Variants in EPG5 observed in about 807,000 individuals in gnomAD.
EPG5 encodes ectopic P granules protein 5 homolog.
Under a neutral mutation model 302.7 loss-of-function variants are expected in EPG5, and 159 were observed. The ratio of observed to expected loss-of-function variants is 0.53; its 90% confidence interval spans 0.46 to 0.60. EPG5 has a LOEUF of 0.60. Ranked by LOEUF, EPG5 falls within the 20% of genes least tolerant of loss-of-function variation. The probability of loss-of-function intolerance (pLI) is 0.00; values close to 1 mark genes in which losing one functional copy is unlikely to be tolerated. For synonymous variants in EPG5, 1,158 were observed against 1,136.8 expected (o/e 1.02, Z -0.37); for missense variants, 2,896 against 3,092.4 (o/e 0.94, Z 1.51).
At chr18:45,910,899 T>C (rs2049877118) in intron 22 of EPG5, among the ~76,000 whole-genome samples, 157 bp from the exon 23 acceptor site, 1 of 152,136 alleles carries the variant, frequency 6.6e-6, no homozygotes, top group Non-Finnish European at 1.5e-5. Flanking sequence ...ATTATTTTGA[T>C]GGTCCAACAA....
chr18:45,839,129 G>C, the EPG5 span: 1 of 1,358,854 alleles, frequency 7.4e-7, no homozygotes, highest in Non-Finnish European at 9.4e-7. Context: ...GGCCGCGAGG[G>C]GCCGGGCCGG....
intron 21 of EPG5, 116 bp from the exon 22 acceptor site, chr18:45,912,572 A>AT: frequency 9.2e-7 from 1 of 1,085,390 alleles, no homozygotes; most frequent in African/African-American, 1.6e-5. Flanking sequence ...TCAATAATAT[A>AT]TTTTTTAAAA....
At chr18:45,902,417 A>G (rs2049640358) in intron 25 of EPG5, among the ~76,000 whole-genome samples, 1 of 152,234 alleles carries the variant, frequency 6.6e-6, no homozygotes, top group African/African-American at 2.4e-5. Context: ...CCATGATGCT[A>G]AAGGAAAACT....
chr18:45,948,050 C>T (rs2050824963), intron 6 of EPG5, among the ~76,000 whole-genome samples: 1 of 152,154 alleles, frequency 6.6e-6, no homozygotes, highest in Non-Finnish European at 1.5e-5. Context: ...ACTGGGATTA[C>T]AGGTGTGAGC....
In EPG5 at chr18:45,850,299, A is replaced by C. The variant is rs1247215281; in HGVS notation, c.*2168T>G. ...CTCTCTGGAGGCCAACAATTTTTTCAAGCCAAGGCTCATTACCCCTGCAAG... is the reference window on the plus strand; with the variant it reads ...CTCTCTGGAGGCCAACAATTTTTTCCAGCCAAGGCTCATTACCCCTGCAAG... On this transcript the variant is annotated 3_prime_UTR_variant, in exon 44 of 44. Transcript: ENST00000282041. 6.6e-6 allele frequency: 1 copy of C among 152,132 alleles called. No homozygotes were observed. Among genetic ancestry groups the C allele is most frequent in the Non-Finnish European group, 1.5e-5 (1 of 68,062 alleles). The allele number at this position is 152,132 out of a possible 1,614,324, so 9.4% of individuals were successfully genotyped here. A position where few individuals can be genotyped will look rare whatever the true frequency, so the allele number is the denominator to read the frequency against.
In EPG5 at chr18:45,867,762, A is replaced by G; in HGVS notation, c.6226-14T>C. 2 of 1,581,416 alleles carry G rather than the reference A, an allele frequency of 1.3e-6. No individual in the cohort carries two copies. On this transcript the variant is annotated splice_polypyrimidine_tract_variant and intron_variant, in intron 36 of 43. Transcript: ENST00000282041. ...TCCTCGTTCCACCTAAAAGAAAATG[A>G]ATTAAAATCATTCTGTTGCCTTGTG...
rs2049691438 is a variant in EPG5, at chr18:45,904,113, A to G, written c.4334T>C (p.Leu1445Pro). The G allele has an allele frequency of 4.3e-6, 7 of 1,610,392 alleles. No individual in the cohort carries two copies. In the East Asian group the frequency reaches 1.6e-4, roughly 36 times the overall value. The change falls in exon 25 of 44, where the codon CTG (leucine) becomes CCG (proline). Residue 1445 changes from leucine to proline, a missense_variant. Leu to Pro is a moderately conservative substitution (Grantham distance 98). Coordinates refer to ENST00000282041, the MANE Select transcript of EPG5 (RefSeq NM_020964.3). ...LAKVMQNQQDLWMEYLNMERI... is the reference protein window; with the variant it reads ...LAKVMQNQQDPWMEYLNMERI... ...CTCCATGTTCAAATACTCCATCCAC[A>G]GATCCTGAAACAGAACGACAGTACT...
At chr18:45,825,698 G>A in the EPG5 span, 1 of 1,612,646 alleles carries the variant, frequency 6.2e-7, no homozygotes, top group East Asian at 2.2e-5. Flanking sequence ...CCGAGAGCGG[G>A]TCTGGCCTGG....
At chr18:45,935,599 GGCGCACACAGGTACT>G (rs1182329275) in intron 10 of EPG5, among the ~76,000 whole-genome samples, 6 of 97,190 alleles carry the variant, frequency 6.2e-5, no homozygotes, top group Non-Finnish European at 1.0e-4. Context: ...AGGCTACTAA[GGCGCACACAGGTACT>G]AAGGCACACA....
chr18:45,892,181 G>C (rs4890604), intron 27 of EPG5, among the ~76,000 whole-genome samples: 93,536 of 151,526 alleles, frequency 0.62, 29,049 homozygotes, highest in Non-Finnish European at 0.64. Flanking sequence ...ATAAAACCAG[G>C]TGGTTTAGGC....
intron 23 of EPG5, 66 bp downstream of exon 23, chr18:45,910,455 T>A: frequency 8.2e-7 from 1 of 1,221,840 alleles, no homozygotes; most frequent in Non-Finnish European, 1.2e-6. Context: ...TGTAACACAG[T>A]TAACTGCTCC....
chr18:45,872,558 G>T (rs2048893464), intron 35 of EPG5, among the ~76,000 whole-genome samples: 1 of 152,152 alleles, frequency 6.6e-6, no homozygotes, highest in South Asian at 2.1e-4. Context: ...ACAAAAATTA[G>T]CCAGGTGTGG....
rs916850441 is a variant in EPG5, at chr18:45,860,491, G to T, written c.6767-145C>A. On this transcript the variant is annotated intron_variant, in intron 39 of 43. Transcript: ENST00000282041. ...CTGACTGCAAGGGACTGGAAGGAAG[G>T]CTCTGGATGGTGTTAAGTTTGTACA... 4.0e-6 allele frequency: 4 copies of T among 1,009,710 alleles called. No homozygotes were observed. In the African/African-American group the frequency reaches 4.8e-5, roughly 12 times the overall value. 62.5% of individuals were successfully genotyped at this position (1,009,710 alleles called of 1,614,324 possible). A position where few individuals can be genotyped will look rare whatever the true frequency, so the allele number is the denominator to read the frequency against.
intron 40 of EPG5, 130 bp downstream of exon 40, chr18:45,859,974 T>A: frequency 8.3e-7 from 1 of 1,200,608 alleles, no homozygotes; most frequent in Non-Finnish European, 1.2e-6. Flanking sequence ...ATCCACAACA[T>A]TTGTAGAGCA....
In EPG5 at chr18:45,917,664, A is replaced by G; in HGVS notation, c.3239+15T>C. The G allele has an allele frequency of 6.2e-7, 1 of 1,613,892 alleles. No individual in the cohort carries two copies. Among genetic ancestry groups the G allele is most frequent in the South Asian group, 1.1e-5 (1 of 91,058 alleles). On this transcript the variant is annotated intron_variant, in intron 17 of 43. Coordinates refer to ENST00000282041, the MANE Select transcript of EPG5 (RefSeq NM_020964.3). The stretch of plus-strand genomic sequence containing the variant: ...TGTTTAAGAGTGTCTCCTGCCATAG[A>G]TGGAACACACTTACTGCTCATTCTT...
chr18:45,878,719 C>A (rs546497921), intron 33 of EPG5, among the ~76,000 whole-genome samples: 2 of 152,136 alleles, frequency 1.3e-5, no homozygotes, highest in Non-Finnish European at 2.9e-5. Context: ...GATTTAGAAC[C>A]CCATCTTAGT....
chr18:45,896,192 A>C (rs1293109955), intron 27 of EPG5, among the ~76,000 whole-genome samples: 1 of 152,228 alleles, frequency 6.6e-6, no homozygotes, highest in Non-Finnish European at 1.5e-5. Flanking sequence ...CGCCTATAAA[A>C]GTTGTTCACT....
Position 45,951,527 on chromosome 18 carries a change from T to C in EPG5, c.1253-289A>G, listed in dbSNP as rs200946318. On this transcript the variant is annotated intron_variant, in intron 3 of 43. Transcript: ENST00000282041. ...AGGCTGGAATGCAGTGGCGCAATCT[T>C]GACTCACTGCAACCTCCGCTTCCTG... Among the ~76,000 whole-genome samples, 22 of 152,100 alleles carry C rather than the reference T, an allele frequency of 1.4e-4. No homozygotes were observed. In the East Asian group the frequency reaches 4.2e-3, roughly 29 times the overall value.
chr18:45,821,940 C>T, the EPG5 span, among the ~76,000 whole-genome samples: 3 of 151,938 alleles, frequency 2.0e-5, no homozygotes, highest in South Asian at 6.2e-4. Flanking sequence ...TAGCTATTAC[C>T]AAAGGGACAA....
Sources: allele counts gnomAD v4.1 joint callset (sites outside exome capture counted in the v4.1 genomes callset), GRCh38; gene constraint gnomAD v4.1.1; transcripts MANE v1.5; gene names NCBI Gene and HGNC (gene_info 2026-07-23, HGNC 2026-07-21).